Variants in SLC30A8 observed in about 807,000 individuals in gnomAD.
The protein encoded by SLC30A8 is proton-coupled zinc antiporter SLC30A8.
In SLC30A8, 27 loss-of-function variants were observed where a neutral mutation model predicts 36.9. The observed-to-expected ratio is 0.73, with a 90% CI of 0.54 to 1.01. SLC30A8 has a LOEUF of 1.01. SLC30A8 is among the 50% of genes least tolerant of loss of function. The pLI, the probability that SLC30A8 is intolerant of heterozygous loss-of-function variation, is 0.00. For missense variants in SLC30A8, 439 were observed against 452.0 expected, an observed-to-expected ratio of 0.97 and a Z score of 0.26; for synonymous variants, 164 against 172.4, an observed-to-expected ratio of 0.95 and a Z score of 0.38.
chr8:117,073,441 G>C (rs1274599692), intron 2 of SLC30A8, among the ~76,000 whole-genome samples: 5 of 152,054 alleles, frequency 3.3e-5, no homozygotes, highest in Non-Finnish European at 7.4e-5. Context: ...TTTATTTTTA[G>C]TGGAGATGGG....
At chr8:116,984,626 T>A (rs1414414369) in intron 1 of SLC30A8, among the ~76,000 whole-genome samples, 3 of 152,194 alleles carry the variant, frequency 2.0e-5, no homozygotes, top group Non-Finnish European at 4.4e-5. Context: ...TATATTTTGC[T>A]CACTTTCTAA....
intron 2 of SLC30A8, among the ~76,000 whole-genome samples, chr8:117,105,298 A>G (rs1033017379): frequency 1.1e-4 from 17 of 150,998 alleles, no homozygotes; most frequent in Non-Finnish European, 1.9e-4. Context: ...GCACCTAAAA[A>G]CTCTTCCAGC....
chr8:117,077,308 C>T (rs545056897), intron 2 of SLC30A8, among the ~76,000 whole-genome samples: 20 of 152,134 alleles, frequency 1.3e-4, no homozygotes, highest in Admixed American at 1.3e-4. Context: ...AATATTTTTG[C>T]ACTTCAAGCT....
In SLC30A8 at chr8:117,054,098, C is replaced by CTTTTT. The variant is rs4060800; in HGVS notation, c.-226+14854_-226+14858dup. Among the ~76,000 whole-genome samples, 13 of 124,152 alleles carry CTTTTT rather than the reference C, an allele frequency of 1.0e-4. 1 individual carries two copies. Among genetic ancestry groups the CTTTTT allele is most frequent in the African/African-American group, 2.5e-4 (8 of 32,096 alleles). The allele number at this position is 124,152 out of a possible 152,430, so 81.4% of individuals were successfully genotyped here. A position where few individuals can be genotyped will look rare whatever the true frequency, so the allele number is the denominator to read the frequency against. ...CATACACTAAATGTACTGCAAAAAT[C>CTTTTT]TTTTTTTTTTTTTTTTTTGAGACAG... is the stretch of plus-strand genomic sequence containing the variant. On this transcript the variant is annotated intron_variant, in intron 2 of 10. Coordinates refer to the SLC30A8 transcript ENST00000427715.
At chr8:116,953,690 G>A (rs1157967094) in intron 1 of SLC30A8, among the ~76,000 whole-genome samples, 1 of 152,032 alleles carries the variant, frequency 6.6e-6, no homozygotes, top group Admixed American at 6.6e-5. Flanking sequence ...ACTCATGTCT[G>A]ACTTTCCCTG....
chr8:117,079,366 C>T (rs1210703401), intron 2 of SLC30A8, among the ~76,000 whole-genome samples: 1 of 152,134 alleles, frequency 6.6e-6, no homozygotes, highest in Admixed American at 6.5e-5. Flanking sequence ...TGTTGGTTGC[C>T]TACGTGGCTT....
At chr8:117,039,685 A>G (rs1247545128) in intron 2 of SLC30A8, among the ~76,000 whole-genome samples, 1 of 152,226 alleles carries the variant, frequency 6.6e-6, no homozygotes, top group Non-Finnish European at 1.5e-5. Context: ...CTTGAGGGCA[A>G]TGGTTTGTAC....
intron 1 of SLC30A8, among the ~76,000 whole-genome samples, chr8:117,138,101 G>T (rs115252479): frequency 0.015 from 2,213 of 147,944 alleles, 55 homozygotes; most frequent in African/African-American, 0.048. Flanking sequence ...AAAAAAAGTC[G>T]TGTAAAGTTG....
intron 1 of SLC30A8, among the ~76,000 whole-genome samples, chr8:117,002,964 A>T (rs1816060714): frequency 6.6e-6 from 1 of 152,138 alleles, no homozygotes; most frequent in Non-Finnish European, 1.5e-5. Context: ...GAAATATTTT[A>T]TCATGCCCAG....
chr8:116,978,595 C>CT (rs1203161366), intron 1 of SLC30A8, among the ~76,000 whole-genome samples: 2 of 152,102 alleles, frequency 1.3e-5, no homozygotes, highest in East Asian at 1.9e-4. Context: ...TCTTTTCTCT[C>CT]TTATTACAGT....
At chr8:117,041,549 G>T (rs989319629) in intron 2 of SLC30A8, among the ~76,000 whole-genome samples, 4 of 152,096 alleles carry the variant, frequency 2.6e-5, no homozygotes, top group African/African-American at 4.8e-5. Context: ...AATTAGCTGG[G>T]CGTGGTGGTG....
intron 2 of SLC30A8, among the ~76,000 whole-genome samples, chr8:117,151,578 C>A (rs1822192763): frequency 6.6e-6 from 1 of 152,174 alleles, no homozygotes; most frequent in African/African-American, 2.4e-5. Flanking sequence ...AAAGCAAGCC[C>A]TTTTTCTTTC....
At chr8:117,031,216 A>C (rs1817033492) in intron 1 of SLC30A8, among the ~76,000 whole-genome samples, 1 of 152,208 alleles carries the variant, frequency 6.6e-6, no homozygotes, top group Non-Finnish European at 1.5e-5. Flanking sequence ...TATATTTTGT[A>C]TGCACATTTT....
intron 1 of SLC30A8, among the ~76,000 whole-genome samples, chr8:116,960,374 G>A (rs73701633): frequency 0.015 from 2,260 of 152,270 alleles, 64 homozygotes; most frequent in African/African-American, 0.051. Flanking sequence ...AGTTCAAAAG[G>A]TCTTGTTTGC....
At chr8:117,028,757 A>T (rs1816947355) in intron 1 of SLC30A8, among the ~76,000 whole-genome samples, 1 of 151,990 alleles carries the variant, frequency 6.6e-6, no homozygotes, top group African/African-American at 2.4e-5. Flanking sequence ...CATATATATC[A>T]AAAGAAATAT....
At chr8:116,981,369 A>G (rs1321789195) in intron 1 of SLC30A8, among the ~76,000 whole-genome samples, 1 of 152,208 alleles carries the variant, frequency 6.6e-6, no homozygotes, top group Non-Finnish European at 1.5e-5. Flanking sequence ...TGAAGTCACA[A>G]GTAGGCCCTG....
At position 117,157,819 on chromosome 8, in the gene SLC30A8, A is replaced by T; in HGVS notation, c.547A>T (p.Ser183Cys). 1.9e-6 allele frequency: 3 copies of T among 1,614,072 alleles called. No homozygotes were observed. The South Asian group carries it at 3.3e-5, about 18-fold the overall frequency. The change falls in exon 4 of 8, where the codon AGC (serine) becomes TGC (cysteine). Residue 183 changes from serine (S) to cysteine (C), a missense_variant. Physicochemically the swap from Ser to Cys is moderately radical, Grantham distance 112. Transcript: ENST00000456015. ...IQATVMIIVS[S>C]CAVAANIVLT... ...GGCGACTGTGATGATCATCGTTTCCAGCTGCGCAGTGGCGGCCAACATTGT... is the reference window on the plus strand; with the variant it reads ...GGCGACTGTGATGATCATCGTTTCCTGCTGCGCAGTGGCGGCCAACATTGT...
At position 116,956,657 on chromosome 8, in the gene SLC30A8, CTT is replaced by C. The variant is rs1327158237; in HGVS notation, c.-266+5539_-266+5540del. Among the ~76,000 whole-genome samples, 4 of 152,286 alleles carry C rather than the reference CTT, an allele frequency of 2.6e-5. No individual in the cohort carries two copies. The East Asian group carries it at 7.7e-4, about 29-fold the overall frequency. On this transcript the variant is annotated intron_variant, in intron 1 of 10. Coordinates refer to the SLC30A8 transcript ENST00000427715. ...AAAAAATCAATTGGATAGTCTCTCT[CTT>C]ATTTAATCCCATGGAGAATTACAGA...
At chr8:117,146,265 A>G (rs547176311) in intron 1 of SLC30A8, among the ~76,000 whole-genome samples, 2 of 152,208 alleles carry the variant, frequency 1.3e-5, no homozygotes, top group South Asian at 2.1e-4. Flanking sequence ...ATCAATAAAA[A>G]TTGTTTTAAA....
Sources: gnomAD v4.1 joint callset for allele counts (sites outside exome capture counted in the v4.1 genomes callset) on GRCh38, gnomAD v4.1.1 for gene constraint, MANE v1.5 for transcripts, NCBI Gene and HGNC (gene_info 2026-07-23, HGNC 2026-07-21) for gene names.